ADGRL1: variants seen among roughly 807,000 people sequenced by gnomAD.
The protein encoded by ADGRL1 is adhesion G protein-coupled receptor L1.
ADGRL1 carries 31 observed loss-of-function variants against 148.9 expected under a neutral mutation model. The ratio of observed to expected loss-of-function variants is 0.21; its 90% CI spans 0.16 to 0.28. The LOEUF is 0.28. Ranked by LOEUF, ADGRL1 falls within the 10% of genes least tolerant of loss-of-function variation. ADGRL1 has a pLI of 1.00. For missense variants in ADGRL1, 1,521 were observed against 2,058.8 expected (o/e 0.74, Z 5.05); for synonymous variants, 937 against 900.3 (o/e 1.04, Z -0.73).
chr19:14,162,734 G>A lies in ADGRL1; in HGVS notation c.1067C>T (p.Thr356Ile), dbSNP rs867436427. The change falls in exon 5 of 23, where the codon ACC becomes ATC. Residue 356 changes from threonine (T) to isoleucine (I), a missense_variant. Coordinates refer to ENST00000361434, the MANE Select transcript of ADGRL1 (RefSeq NM_014921.5). This position sits in a 1 kb window ranked among gnomAD's most constrained non-coding sequence, Gnocchi z 5.4. ...GATGAACTGGTAGGGGTTGGGGAAG[G>A]TGAGGCTGACAGGCTCCTCGCGGTT... ...NANREEPVSL[T>I]FPNPYQFISS... The A allele has an allele frequency of 1.2e-6, 2 of 1,614,210 alleles. No homozygotes were observed. The highest frequency in any genetic ancestry group is 3.3e-4 in the Middle Eastern group (2 of 6,062).
At chr19:14,153,411 A>ATTTTTTT (rs36035971) in intron 18 of ADGRL1, among the ~76,000 whole-genome samples, 1 of 112,322 alleles carries the variant, frequency 8.9e-6, no homozygotes, top group African/African-American at 3.7e-5. Flanking sequence ...GCAGGTTGTG[A>ATTTTTTT]TTTTTTTTTT....
chr19:14,159,986 T>A lies in ADGRL1; in HGVS notation c.1800+126A>T. 1 of 1,068,292 alleles carries A rather than the reference T, an allele frequency of 9.4e-7. No homozygotes were observed. The highest frequency in any genetic ancestry group is 1.6e-5 in the South Asian group (1 of 61,612). The allele number at this position is 1,068,292 out of a possible 1,614,324, so 66.2% of individuals were successfully genotyped here. On this transcript the variant is annotated intron_variant, in intron 8 of 22. Coordinates refer to ENST00000361434, the MANE Select transcript of ADGRL1 (RefSeq NM_014921.5). The surrounding 1 kb of genome is among the most constrained non-coding windows in gnomAD (Gnocchi z 6.0). ...GCAGTCCTTGGCGGAGAGGGGGGGG[T>A]CCTTCCTCTCTGAGGAAAGGAGTGG...
chr19:14,170,962 T>C (rs1970422092), intron 3 of ADGRL1, 171 bp from the exon 4 acceptor site: 4 of 569,662 alleles, frequency 7.0e-6, no homozygotes, highest in Non-Finnish European at 1.3e-5. Context: ...AAATCTCATG[T>C]TGAATTGTGA....
chr19:14,162,494 C>T lies in ADGRL1; in HGVS notation c.1195+112G>A, dbSNP rs978274628. The T allele has an allele frequency of 1.3e-5, 12 of 922,742 alleles. No homozygotes were observed. The highest frequency in any genetic ancestry group is 2.3e-5 in the Admixed American group (1 of 43,814). The allele number at this position is 922,742 out of a possible 1,614,324, so 57.2% of individuals were successfully genotyped here. ...CATGCTGTGAATTTCCTTTACCTCC[C>T]GATCCCCAAGAGCTCACAGGATGGG... On this transcript the variant is annotated intron_variant, in intron 5 of 22. Coordinates refer to ENST00000361434, the MANE Select transcript of ADGRL1 (RefSeq NM_014921.5). The surrounding 1 kb of genome is among the most constrained non-coding windows in gnomAD (Gnocchi z 5.4).
At chr19:14,185,233 G>T (rs1292741124) in intron 1 of ADGRL1, among the ~76,000 whole-genome samples, 1 of 152,162 alleles carries the variant, frequency 6.6e-6, no homozygotes, top group Non-Finnish European at 1.5e-5. Flanking sequence ...TTCTCCAGGT[G>T]TGGTCCCAGC....
intron 1 of ADGRL1, among the ~76,000 whole-genome samples, chr19:14,188,276 G>C (rs898099512): frequency 6.6e-6 from 1 of 152,058 alleles, no homozygotes; most frequent in African/African-American, 2.4e-5. Context: ...GCAGGGTTCT[G>C]GTAAGGAGAG....
In ADGRL1 at chr19:14,159,864, G is replaced by T; in HGVS notation, c.1801-91C>A. 1 of 1,232,658 alleles carries T rather than the reference G, an allele frequency of 8.1e-7. No homozygotes were observed. The highest frequency in any genetic ancestry group is 1.2e-6 in the Non-Finnish European group (1 of 836,142). The allele number at this position is 1,232,658 out of a possible 1,614,324, so 76.4% of individuals were successfully genotyped here. A position where few individuals can be genotyped will look rare whatever the true frequency, so the allele number is the denominator to read the frequency against. ...TCACATCTGGATAGCTCTCTCGTCTGCGGTTACCACTGACCCAGGGCTGGG... is the reference window on the plus strand; with the variant it reads ...TCACATCTGGATAGCTCTCTCGTCTTCGGTTACCACTGACCCAGGGCTGGG... On this transcript the variant is annotated intron_variant, in intron 8 of 22. Coordinates refer to ENST00000361434, the MANE Select transcript of ADGRL1 (RefSeq NM_014921.5). This position sits in a 1 kb window ranked among gnomAD's most constrained non-coding sequence, Gnocchi z 6.0.
chr19:14,152,941 G>T lies in ADGRL1; in HGVS notation c.3295-29C>A. On this transcript the variant is annotated intron_variant, in intron 18 of 22. Transcript: ENST00000361434. This position sits in a 1 kb window ranked among gnomAD's most constrained non-coding sequence, Gnocchi z 6.1. ...GGAGGTGGAGGACAGTCAGCTGGCT[G>T]GGACACTGGCCTCCTCTGTGATCCA... 1.2e-6 allele frequency: 2 copies of T among 1,610,792 alleles called. No homozygotes were observed. Among genetic ancestry groups the T allele is most frequent in the Non-Finnish European group, 8.5e-7 (1 of 1,178,786 alleles).
At chr19:14,199,138 T>G (rs1306845308) in intron 1 of ADGRL1, among the ~76,000 whole-genome samples, 1 of 152,144 alleles carries the variant, frequency 6.6e-6, no homozygotes, top group Non-Finnish European at 1.5e-5. Context: ...AGTTGCAGGT[T>G]CAAATCCAGG....
rs1417762495 is a variant in ADGRL1, at chr19:14,155,530, G to A, written c.3126-3C>T. On this transcript the variant is annotated splice_region_variant and splice_polypyrimidine_tract_variant and intron_variant, in intron 17 of 22. Transcript: ENST00000361434. This position sits in a 1 kb window ranked among gnomAD's most constrained non-coding sequence, Gnocchi z 5.0. The stretch of plus-strand genomic sequence containing the variant: ...CGATGGCCCCCAGCGCCCAGGATCT[G>A]GGAGTGGGGCGACAGGGGAGTCAAA... 3 of 1,613,278 alleles carry A rather than the reference G, an allele frequency of 1.9e-6. No homozygotes were observed. In the East Asian group the frequency reaches 6.7e-5, roughly 36 times the overall value.
intron 1 of ADGRL1, among the ~76,000 whole-genome samples, 196 bp downstream of exon 1, chr19:14,205,789 T>G (rs1485968095): frequency 2.0e-5 from 3 of 150,260 alleles, no homozygotes; most frequent in Non-Finnish European, 4.5e-5. Context: ...CCCTCGCCAG[T>G]GGGGGTGAGG....
At position 14,163,101 on chromosome 19, in the gene ADGRL1, G is replaced by T. The variant is rs371929966; in HGVS notation, c.700C>A (p.Arg234=). The T allele has an allele frequency of 5.0e-6, 8 of 1,613,966 alleles. No homozygotes were observed. The highest frequency in any genetic ancestry group is 5.9e-6 in the Non-Finnish European group (7 of 1,180,006). ...RTRNIVKYDL[R]TRIKSGETVI... is the part of the protein sequence containing the mutation. ...GTCTCCCCGCTCTTGATGCGCGTCC[G>T]TAGGTCATACTTGACGATGTTGCGC... Residue 234 remains arginine (R), a synonymous_variant, in exon 5 of 23, where the codon CGG becomes AGG. Transcript: ENST00000361434.
chr19:14,195,741 C>G (rs1229457220), intron 1 of ADGRL1, among the ~76,000 whole-genome samples: 1 of 152,170 alleles, frequency 6.6e-6, no homozygotes, highest in Non-Finnish European at 1.5e-5. Context: ...TGTGTAGCTT[C>G]AGAGCAAGCA....
intron 4 of ADGRL1, chr19:14,166,952 A>G (rs547987568): frequency 8.7e-5 from 136 of 1,559,660 alleles, no homozygotes; most frequent in South Asian, 1.2e-4. Flanking sequence ...GGCAGGTCAC[A>G]TAAGTATGGT....
chr19:14,156,743 CG>C lies in ADGRL1; in HGVS notation c.2967-20del, dbSNP rs758724294. On this transcript the variant is annotated intron_variant, in intron 15 of 22. Transcript: ENST00000361434. ...CCAGCAGCTGTAAAGGAAACAGGGC[CG>C]GGGTATAGAGAGAAGCCGAGGAGCC... The C allele has an allele frequency of 2.2e-5, 35 of 1,602,822 alleles. No homozygotes were observed. The highest frequency in any genetic ancestry group is 2.7e-5 in the Non-Finnish European group (32 of 1,174,820).
chr19:14,183,581 G>T lies in ADGRL1; in HGVS notation c.22C>A (p.Leu8Ile). Residue 8 changes from leucine (L) to isoleucine (I), a missense_variant, in exon 2 of 23, where the codon CTC (leucine) becomes ATC (isoleucine). This residue lies in a region of ADGRL1 where 334 missense variants were observed against 512.5 expected (regional missense o/e 0.65). Transcript: ENST00000361434. The part of the protein sequence containing the change: MARLAAV[L>I]WNLCVTAVLV... ...ACGGCGGTGACACACAGATTCCAGA[G>T]CACTGCGGCTAGGCGGGCCATGGTG... The T allele has an allele frequency of 6.3e-7, 1 of 1,584,488 alleles. No individual in the cohort carries two copies. The highest frequency in any genetic ancestry group is 8.6e-7 in the Non-Finnish European group (1 of 1,165,034).
At chr19:14,188,423 G>C (rs776614054) in intron 1 of ADGRL1, among the ~76,000 whole-genome samples, 1 of 152,054 alleles carries the variant, frequency 6.6e-6, no homozygotes, top group Non-Finnish European at 1.5e-5. Flanking sequence ...AGAATGCTAA[G>C]ACTCCAGAGT....
intron 11 of ADGRL1, 31 bp from the exon 12 acceptor site, chr19:14,158,583 A>G: frequency 6.4e-6 from 10 of 1,554,486 alleles, no homozygotes; most frequent in Non-Finnish European, 8.9e-6. Context: ...TGGATGTGTC[A>G]GCATCCTCAG....
intron 1 of ADGRL1, among the ~76,000 whole-genome samples, chr19:14,183,979 T>C (rs1188093258): frequency 1.3e-5 from 2 of 152,096 alleles, no homozygotes; most frequent in Admixed American, 6.5e-5. Context: ...CAGGCAGGCC[T>C]TGGACCCTCT....
Sources: gnomAD v4.1 joint callset for allele counts (sites outside exome capture counted in the v4.1 genomes callset) on GRCh38, gnomAD v4.1.1 for gene constraint, gnomAD v4.1.1 regional missense constraint, Gnocchi (gnomAD v3.1) non-coding constraint, MANE v1.5 for transcripts, NCBI Gene and HGNC (gene_info 2026-07-23, HGNC 2026-07-21) for gene names.